The following MCC variants were observed in gnomAD, a reference collection of about 807,000 sequenced individuals.
MCC encodes MCC regulator of Wnt signaling pathway, also known as colorectal mutant cancer protein.
In MCC, 90 loss-of-function variants were observed where a neutral mutation model predicts 116.2. The observed-to-expected ratio is 0.77, with a 90% CI of 0.65 to 0.92. The LOEUF is 0.92. MCC is among the 40% of genes least tolerant of loss of function. The pLI is 0.00. For missense variants in MCC, 1,516 were observed against 1,312.2 expected, an observed-to-expected ratio of 1.16 and a Z score of -2.40; for synonymous variants, 578 against 510.5, an observed-to-expected ratio of 1.13 and a Z score of -1.78.
intron 1 of MCC, among the ~76,000 whole-genome samples, chr5:113,479,693 C>G (rs917025610): frequency 2.6e-5 from 4 of 151,982 alleles, no homozygotes; most frequent in East Asian, 1.9e-4. Flanking sequence ...TTTGACTTAT[C>G]TTGGTAGGCT....
chr5:113,096,287 C>G (rs1581048920), intron 8 of MCC, among the ~76,000 whole-genome samples: 2 of 152,220 alleles, frequency 1.3e-5, no homozygotes, highest in African/African-American at 4.8e-5. Context: ...AGGACACTGC[C>G]TCTCCCTTCC....
At position 113,136,451 on chromosome 5, in the gene MCC, T is replaced by A. The variant is rs1407841345; in HGVS notation, c.884+6767A>T. ...TATTCCTATAGGTAGAATTACTTGG[T>A]TGAGGACTTTGAGTAATCGTAGCTC... On this transcript the variant is annotated intron_variant, in intron 5 of 18. Coordinates refer to ENST00000408903, the MANE Select transcript of MCC (RefSeq NM_001085377.2). Among the ~76,000 whole-genome samples, 3 of 152,178 alleles carry A rather than the reference T, an allele frequency of 2.0e-5. No homozygotes were observed. The East Asian group carries it at 5.8e-4, about 29-fold the overall frequency.
rs139050110 is a variant in MCC, at chr5:113,160,508, T to G, written c.628-9086A>C. On this transcript the variant is annotated intron_variant, in intron 3 of 18. Coordinates refer to ENST00000408903, the MANE Select transcript of MCC (RefSeq NM_001085377.2). ...ATTTAAAGAGGTAGGAATTGAGACT[T>G]AGAGGTTAAGTAACTTGTCAAGCTA... Among the ~76,000 whole-genome samples the G allele has an allele frequency of 1.7e-3, 252 of 152,312 alleles. 1 individual carries two copies. Among genetic ancestry groups the G allele is most frequent in the African/African-American group, 5.9e-3 (245 of 41,572 alleles).
At chr5:113,168,609 A>G (rs1426916369) in intron 3 of MCC, among the ~76,000 whole-genome samples, 49 of 152,220 alleles carry the variant, frequency 3.2e-4, no homozygotes. Context: ...TTCAAATTCC[A>G]GAATATACCA....
intron 3 of MCC, among the ~76,000 whole-genome samples, chr5:113,297,749 CAAAAAA>C (rs57148050): frequency 3.3e-5 from 2 of 60,510 alleles, no homozygotes; most frequent in East Asian, 7.0e-4. Context: ...GACTCTGTCT[CAAAAAA>C]AAAAAAAAAA....
intron 2 of MCC, among the ~76,000 whole-genome samples, chr5:113,379,461 T>A (rs1436783963): frequency 6.6e-6 from 1 of 152,226 alleles, no homozygotes. Context: ...AATGTTTGTG[T>A]TACCGCTTTA....
chr5:113,254,789 G>C (rs1206990017), intron 3 of MCC, among the ~76,000 whole-genome samples: 1 of 152,142 alleles, frequency 6.6e-6, no homozygotes, highest in Non-Finnish European at 1.5e-5. Flanking sequence ...CATCTCCTTG[G>C]ATTTTCCCAA....
intron 17 of MCC, among the ~76,000 whole-genome samples, chr5:113,042,054 G>C (rs893900448): frequency 1.3e-5 from 2 of 151,738 alleles, no homozygotes; most frequent in African/African-American, 4.8e-5. Flanking sequence ...ATACAAGAAT[G>C]AACACACAAA....
intron 1 of MCC, among the ~76,000 whole-genome samples, chr5:113,416,823 A>AT (rs1770164531): frequency 6.6e-6 from 1 of 152,190 alleles, no homozygotes; most frequent in Non-Finnish European, 1.5e-5. Context: ...TTTATTTTAC[A>AT]TTTTTGACAA....
intron 11 of MCC, among the ~76,000 whole-genome samples, chr5:113,075,814 C>T (rs1455865786): frequency 6.6e-6 from 1 of 152,216 alleles, no homozygotes; most frequent in Non-Finnish European, 1.5e-5. Context: ...GCTGCTCACT[C>T]TTTGGGTCCG....
At chr5:113,356,217 TA>T (rs1327031817) in intron 2 of MCC, among the ~76,000 whole-genome samples, 1 of 151,700 alleles carries the variant, frequency 6.6e-6, no homozygotes, top group Non-Finnish European at 1.5e-5. Flanking sequence ...CTAAGTTTTT[TA>T]TAGAGACTGG....
intron 3 of MCC, among the ~76,000 whole-genome samples, chr5:113,267,198 T>C (rs954010703): frequency 6.6e-6 from 1 of 152,154 alleles, no homozygotes; most frequent in African/African-American, 2.4e-5. Flanking sequence ...CTCTGCTCCC[T>C]TTCTTTAAAG....
intron 1 of MCC, among the ~76,000 whole-genome samples, chr5:113,449,948 A>G (rs1318515965): frequency 6.6e-6 from 1 of 152,202 alleles, no homozygotes; most frequent in Non-Finnish European, 1.5e-5. Flanking sequence ...TTTCCATTTT[A>G]AAATGTTTAC....
At chr5:113,189,373 A>G (rs1762046233) in intron 3 of MCC, among the ~76,000 whole-genome samples, 2 of 152,206 alleles carry the variant, frequency 1.3e-5, no homozygotes, top group South Asian at 4.1e-4. Context: ...TTACAGTTAA[A>G]CAGAAGAGAA....
intron 5 of MCC, among the ~76,000 whole-genome samples, chr5:113,135,354 A>T (rs1758750376): frequency 1.4e-5 from 2 of 148,102 alleles, no homozygotes; most frequent in Admixed American, 6.7e-5. Context: ...GGAGATCGAG[A>T]CCAGCCTGGC....
chr5:113,300,769 C>G (rs13170435), intron 3 of MCC, among the ~76,000 whole-genome samples: 4 of 152,066 alleles, frequency 2.6e-5, no homozygotes, highest in Admixed American at 2.6e-4. Context: ...GATCAATTAC[C>G]GGACCAGCTC....
intron 3 of MCC, among the ~76,000 whole-genome samples, chr5:113,264,302 T>A (rs1194709717): frequency 2.0e-5 from 3 of 152,126 alleles, no homozygotes; most frequent in African/African-American, 2.4e-5. Context: ...TCTGCCTCCC[T>A]CCCCAGTGAT....
intron 17 of MCC, among the ~76,000 whole-genome samples, chr5:113,040,723 GTTA>G (rs1226077102): frequency 1.3e-5 from 2 of 152,134 alleles, no homozygotes; most frequent in African/African-American, 2.4e-5. Flanking sequence ...GTATCATTAT[GTTA>G]TTTTCCTTTT....
chr5:113,194,236 A>G (rs1762279660), intron 3 of MCC, among the ~76,000 whole-genome samples: 2 of 152,228 alleles, frequency 1.3e-5, no homozygotes, highest in Admixed American at 6.5e-5. Flanking sequence ...GCAGGGGGAC[A>G]TGGTGATAAC....
Sources: allele counts gnomAD v4.1 joint callset (sites outside exome capture counted in the v4.1 genomes callset), GRCh38; gene constraint gnomAD v4.1.1; transcripts MANE v1.5; gene names NCBI Gene and HGNC (gene_info 2026-07-23, HGNC 2026-07-21).